The following PRKAG2 variants were observed in gnomAD, a reference collection of about 807,000 sequenced individuals.
PRKAG2 encodes the protein protein kinase AMP-activated non-catalytic subunit gamma 2.
Under a neutral mutation model 69.6 loss-of-function variants are expected in PRKAG2, and 26 were observed. That is an observed-to-expected ratio of 0.37 (90% CI 0.27 to 0.52). The LOEUF (loss-of-function observed/expected upper bound fraction) is 0.52. Among genes scored for constraint, PRKAG2 ranks in the 20% least tolerant of loss-of-function variants. The probability of loss-of-function intolerance (pLI) is 0.90; values close to 1 mark genes in which losing one functional copy is unlikely to be tolerated. For synonymous variants in PRKAG2, 293 were observed against 285.0 expected, an observed-to-expected ratio of 1.03 and a Z score of -0.28; for missense variants, 557 against 740.0, an observed-to-expected ratio of 0.75 and a Z score of 2.87.
At chr7:151,750,879 C>CAA (rs147013522) in intron 3 of PRKAG2, among the ~76,000 whole-genome samples, 1 of 125,730 alleles carries the variant, frequency 8.0e-6, no homozygotes, top group Non-Finnish European at 1.7e-5. Context: ...ACCCTGTCTC[C>CAA]AAAAAAAAAA....
chr7:151,568,659 T>C (rs748441349), intron 11 of PRKAG2, 57 bp downstream of exon 11: 35 of 1,582,374 alleles, frequency 2.2e-5, no homozygotes, highest in Non-Finnish European at 2.9e-5. Context: ...TTACTTGAAG[T>C]ACATTATTTA....
In PRKAG2 at chr7:151,783,727, A is replaced by G. The variant is rs73485947; in HGVS notation, c.187-2296T>C. ...CCTGAGCTCGACCAGCCTGGGCAAC[A>G]TGGCAAAACCCTGTCTCTACAAAAA... On this transcript the variant is annotated intron_variant, in intron 2 of 15. Coordinates refer to ENST00000287878, the MANE Select transcript of PRKAG2 (RefSeq NM_016203.4). Among the ~76,000 whole-genome samples the G allele has an allele frequency of 6.6e-3, 1,000 of 151,798 alleles. 6 individuals are homozygous for G. Among genetic ancestry groups the G allele is most frequent in the African/African-American group, 0.021 (860 of 41,380 alleles).
chr7:151,708,596 C>A (rs1563487884), intron 3 of PRKAG2, among the ~76,000 whole-genome samples: 1 of 152,098 alleles, frequency 6.6e-6, no homozygotes, highest in Non-Finnish European at 1.5e-5. Flanking sequence ...TCATGGCATG[C>A]CTGTAGGGTC....
In PRKAG2 at chr7:151,852,954, C is replaced by T. The variant is rs6464177; in HGVS notation, c.114+23553G>A. On this transcript the variant is annotated intron_variant, in intron 1 of 15. Coordinates refer to ENST00000287878, the MANE Select transcript of PRKAG2 (RefSeq NM_016203.4). The stretch of plus-strand genomic sequence containing the variant: ...CAGGGCCGCAGCTCAACGGGCAACC[C>T]CAGGACTGGCTGTTGCAGCTTGGAC... Among the ~76,000 whole-genome samples, 395 of 152,322 alleles carry T rather than the reference C, an allele frequency of 2.6e-3. 4 individuals carry two copies. The highest frequency in any genetic ancestry group is 8.7e-3 in the African/African-American group (361 of 41,572).
chr7:151,642,664 G>C (rs77555852), intron 4 of PRKAG2, among the ~76,000 whole-genome samples: 3,676 of 152,302 alleles, frequency 0.024, 141 homozygotes, highest in African/African-American at 0.084. Context: ...TAACATTCAT[G>C]ATTTCTTTAA....
At chr7:151,633,756 A>C (rs761873071) in intron 4 of PRKAG2, among the ~76,000 whole-genome samples, 3 of 152,208 alleles carry the variant, frequency 2.0e-5, no homozygotes, top group Non-Finnish European at 2.9e-5. Context: ...ACGAGCTAAT[A>C]AATGGAGAGA....
chr7:151,794,032 A>C (rs1314553856), intron 1 of PRKAG2, among the ~76,000 whole-genome samples: 1 of 152,168 alleles, frequency 6.6e-6, no homozygotes, highest in African/African-American at 2.4e-5. Context: ...AGAAACATCC[A>C]ACTGTTTTTC....
intron 2 of PRKAG2, among the ~76,000 whole-genome samples, chr7:151,783,711 G>A (rs1165904863): frequency 6.6e-6 from 1 of 151,634 alleles, no homozygotes; most frequent in South Asian, 2.1e-4. Flanking sequence ...ACCTGAGCTC[G>A]ACCAGCCTGG....
At chr7:151,594,619 T>C (rs897724118) in intron 6 of PRKAG2, among the ~76,000 whole-genome samples, 1 of 152,212 alleles carries the variant, frequency 6.6e-6, no homozygotes, top group African/African-American at 2.4e-5. Flanking sequence ...TTCAAATTTA[T>C]CATATGTTCT....
intron 3 of PRKAG2, among the ~76,000 whole-genome samples, chr7:151,738,729 T>A (rs2073649241): frequency 6.6e-6 from 1 of 152,268 alleles, no homozygotes. Flanking sequence ...GAAACAATGC[T>A]AATTATTGGT....
At position 151,602,880 on chromosome 7, in the gene PRKAG2, G is replaced by A. The variant is rs181200091; in HGVS notation, c.755-7426C>T. ...TCTGCCCTCGCTCTCTCTGTTGCCTGCTACCACGAAAGACGTGCCTCTTCC... is the reference window on the plus strand; with the variant it reads ...TCTGCCCTCGCTCTCTCTGTTGCCTACTACCACGAAAGACGTGCCTCTTCC... On this transcript the variant is annotated intron_variant, in intron 5 of 15. Coordinates refer to ENST00000287878, the MANE Select transcript of PRKAG2 (RefSeq NM_016203.4). Among the ~76,000 whole-genome samples, 6 of 152,270 alleles carry A rather than the reference G, an allele frequency of 3.9e-5. No individual in the cohort carries two copies. In the East Asian group the frequency reaches 1.2e-3, roughly 29 times the overall value.
rs1278362460 is a variant in PRKAG2 at position 151,874,504 on chromosome 7, GA to G, written c.114+2002del. ...ATATGTATATGATGTATATGTATAT[GA>G]TGTATATGTATATGTATATGATGTA... On this transcript the variant is annotated intron_variant, in intron 1 of 15. Coordinates refer to ENST00000287878, the MANE Select transcript of PRKAG2 (RefSeq NM_016203.4). Among the ~76,000 whole-genome samples the G allele has an allele frequency of 1.6e-4, 16 of 101,070 alleles. 2 individuals carry two copies. Among genetic ancestry groups the G allele is most frequent in the African/African-American group, 6.8e-4 (15 of 22,184 alleles). 66.3% of individuals were successfully genotyped at this position (101,070 alleles called of 152,430 possible). A position where few individuals can be genotyped will look rare whatever the true frequency, so the allele number is the denominator to read the frequency against.
intron 3 of PRKAG2, among the ~76,000 whole-genome samples, chr7:151,721,154 A>G (rs971723234): frequency 1.3e-5 from 2 of 151,964 alleles, no homozygotes; most frequent in South Asian, 2.1e-4. Context: ...CTGGCCACCT[A>G]CCCAGGCATG....
chr7:151,801,286 C>T (rs561776375), intron 1 of PRKAG2, among the ~76,000 whole-genome samples: 8 of 152,312 alleles, frequency 5.3e-5, no homozygotes, highest in South Asian at 2.1e-4. Context: ...TGAGGCTCAG[C>T]GCTCAGACCA....
At chr7:151,677,438 T>G (rs1246140458) in intron 3 of PRKAG2, among the ~76,000 whole-genome samples, 1 of 152,224 alleles carries the variant, frequency 6.6e-6, no homozygotes, top group African/African-American at 2.4e-5. Flanking sequence ...GTGATCTGCC[T>G]GCCCCGGCCT....
At chr7:151,864,939 C>T (rs1000254509) in intron 1 of PRKAG2, among the ~76,000 whole-genome samples, 1 of 152,116 alleles carries the variant, frequency 6.6e-6, no homozygotes, top group African/African-American at 2.4e-5. Context: ...ACATATTACA[C>T]ATATTACATA....
chr7:151,815,314 G>A (rs1184432244), intron 1 of PRKAG2, among the ~76,000 whole-genome samples: 1 of 152,146 alleles, frequency 6.6e-6, no homozygotes, highest in Non-Finnish European at 1.5e-5. Flanking sequence ...TGATCCTGGA[G>A]GGACTGCCCT....
In PRKAG2 at chr7:151,632,130, C is replaced by G; in HGVS notation, c.693G>C (p.Leu231=). The G allele has an allele frequency of 7.1e-7, 1 of 1,405,704 alleles. No homozygotes were observed. Among genetic ancestry groups the G allele is most frequent in the Non-Finnish European group, 9.4e-7 (1 of 1,066,162 alleles). 87.1% of individuals were successfully genotyped at this position (1,405,704 alleles called of 1,614,324 possible). A position where few individuals can be genotyped will look rare whatever the true frequency, so the allele number is the denominator to read the frequency against. Residue 231 remains leucine (L), a synonymous_variant, in exon 5 of 16, where the codon CTG becomes CTC. Transcript: ENST00000287878. The surrounding 1 kb of genome is among the most constrained non-coding windows in gnomAD (Gnocchi z 4.2). ...THYAPSKAAA[L]AAALGPAEAG... is the part of the protein sequence containing the mutation. The stretch of plus-strand genomic sequence containing the variant: ...CTTCCGCGGGTCCCAGGGCCGCCGC[C>G]AGCGCCGCCTGAGGGGGAGGAGGAG...
At chr7:151,805,624 G>T (rs1227864197) in intron 1 of PRKAG2, among the ~76,000 whole-genome samples, 1 of 152,142 alleles carries the variant, frequency 6.6e-6, no homozygotes, top group Non-Finnish European at 1.5e-5. Context: ...ACATATAGAA[G>T]TATAGAACCA....
Sources: allele counts gnomAD v4.1 joint callset (sites outside exome capture counted in the v4.1 genomes callset), GRCh38; gene constraint gnomAD v4.1.1; non-coding constraint Gnocchi (gnomAD v3.1); transcripts MANE v1.5; gene names NCBI Gene and HGNC (gene_info 2026-07-23, HGNC 2026-07-21).